Variants in SRRM3 observed in about 807,000 individuals in gnomAD.
SRRM3 encodes serine/arginine repetitive matrix 3, also known as serine/arginine repetitive matrix protein 3.
Under a neutral mutation model 66.2 loss-of-function variants are expected in SRRM3, and 27 were observed. The ratio of observed to expected loss-of-function variants is 0.41; its 90% confidence interval spans 0.30 to 0.56. The LOEUF (loss-of-function observed/expected upper bound fraction) is 0.56. Ranked by LOEUF, SRRM3 falls within the 20% of genes least tolerant of loss-of-function variation. The probability of loss-of-function intolerance (pLI) is 0.32; values close to 1 mark genes in which losing one functional copy is unlikely to be tolerated. For missense variants in SRRM3, 918 were observed against 991.9 expected (o/e 0.93, Z 1.00); for synonymous variants, 391 against 414.9 (o/e 0.94, Z 0.70).
chr7:76,277,004 T>A (rs113289334), intron 11 of SRRM3, among the ~76,000 whole-genome samples: 8 of 152,322 alleles, frequency 5.3e-5, no homozygotes, highest in Middle Eastern at 6.8e-3. Flanking sequence ...CACCGTCAGG[T>A]GACTGCCTTA....
intron 2 of SRRM3, among the ~76,000 whole-genome samples, chr7:76,240,869 C>T (rs1801277644): frequency 6.6e-6 from 1 of 151,912 alleles, no homozygotes; most frequent in Admixed American, 6.6e-5. Context: ...CTTCCCCACC[C>T]ACACACAAGC....
chr7:76,265,337 C>T (rs1554609351), intron 9 of SRRM3, 27 bp from the exon 10 acceptor site: 1 of 1,561,740 alleles, frequency 6.4e-7, no homozygotes, highest in African/African-American at 1.4e-5. Context: ...AATTGAGGTA[C>T]AGGCTGATTT....
At chr7:76,265,835 T>TTTA (rs1227805151) in intron 10 of SRRM3, among the ~76,000 whole-genome samples, 635 of 11,876 alleles carry the variant, frequency 0.053, 107 homozygotes, top group African/African-American at 0.21. Context: ...TATTTATATA[T>TTTA]ATATATATAT....
chr7:76,204,039 C>G (rs1252191597), intron 1 of SRRM3, among the ~76,000 whole-genome samples: 1 of 152,136 alleles, frequency 6.6e-6, no homozygotes, highest in Non-Finnish European at 1.5e-5. Flanking sequence ...ACAGTCCCAT[C>G]TGCTCACTGC....
At position 76,285,723 on chromosome 7, in the gene SRRM3, C is replaced by T. The variant is rs1432316097; in HGVS notation, c.1842C>T (p.Gly614=). The part of the protein sequence containing the change: ...TRSHSRSPSP[G]HSHGSYSSRS... ...GCCACAGCCGCAGCCCCAGCCCCGG[C>T]CACAGCCACGGGAGCTACAGCAGTC... Residue 614 remains glycine, a synonymous_variant, in exon 15 of 15, where the codon GGC becomes GGT. Coordinates refer to ENST00000611745, the MANE Select transcript of SRRM3 (RefSeq NM_001110199.3). The surrounding 1 kb of genome is among the most constrained non-coding windows in gnomAD (Gnocchi z 4.1). 36 of 1,550,654 alleles carry T rather than the reference C, an allele frequency of 2.3e-5. No homozygotes were observed. The highest frequency in any genetic ancestry group is 3.1e-5 in the Non-Finnish European group (35 of 1,146,836).
At chr7:76,217,102 T>C (rs1322684491) in intron 1 of SRRM3, among the ~76,000 whole-genome samples, 1 of 152,192 alleles carries the variant, frequency 6.6e-6, no homozygotes, top group Non-Finnish European at 1.5e-5. Flanking sequence ...TTCCTGCTGA[T>C]AGCTCTGGCC....
At chr7:76,249,344 C>T (rs1363895229) in intron 3 of SRRM3, among the ~76,000 whole-genome samples, 2 of 151,134 alleles carry the variant, frequency 1.3e-5, no homozygotes, top group African/African-American at 4.9e-5. Context: ...CGCGCCACTG[C>T]ACTCCAGCCT....
At chr7:76,258,732 AAG>A (rs1801780404) in intron 3 of SRRM3, among the ~76,000 whole-genome samples, 2 of 141,982 alleles carry the variant, frequency 1.4e-5, no homozygotes, top group South Asian at 2.3e-4. Flanking sequence ...AAAAAAAAAA[AAG>A]AAAAAGAAAA....
At chr7:76,254,935 G>T (rs1451361523) in intron 3 of SRRM3, among the ~76,000 whole-genome samples, 1 of 151,938 alleles carries the variant, frequency 6.6e-6, no homozygotes. Context: ...GGGGGTGTTT[G>T]GCTCTGTACA....
rs562701179 is a variant in SRRM3, at chr7:76,264,431, G to A, written c.675-334G>A. Among the ~76,000 whole-genome samples the A allele has an allele frequency of 1.7e-4, 26 of 152,244 alleles. No individual in the cohort carries two copies. The South Asian group carries it at 4.1e-3, about 24-fold the overall frequency. ...TCCACTGGCCTCAGCCTCCCAAAGT[G>A]CTGAGATTAAAGGTGTGAGCCACCA... is the stretch of plus-strand genomic sequence containing the variant. On this transcript the variant is annotated intron_variant, in intron 8 of 14. Coordinates refer to ENST00000611745, the MANE Select transcript of SRRM3 (RefSeq NM_001110199.3).
chr7:76,210,674 T>TG (rs1220103197), intron 1 of SRRM3, among the ~76,000 whole-genome samples: 9 of 151,812 alleles, frequency 5.9e-5, no homozygotes, highest in South Asian at 2.1e-4. Flanking sequence ...CCAGGAGTCT[T>TG]GGGGGGGCGG....
At chr7:76,266,249 A>ATATATTTAATATATATATAAATATTTG (rs1554609598) in intron 10 of SRRM3, among the ~76,000 whole-genome samples, 2 of 120,840 alleles carry the variant, frequency 1.7e-5, no homozygotes, top group Non-Finnish European at 3.2e-5. Context: ...ATAAATATTT[A>ATATATTTAATATATATATAAATATTTG]TATATTTAAT....
chr7:76,271,341 G>T (rs1802208216), intron 11 of SRRM3, among the ~76,000 whole-genome samples: 1 of 152,220 alleles, frequency 6.6e-6, no homozygotes, highest in South Asian at 2.1e-4. Context: ...GCCAGGCATG[G>T]TGGCATGTGC....
intron 12 of SRRM3, 37 bp downstream of exon 12, chr7:76,281,839 C>G: frequency 1.6e-6 from 2 of 1,226,744 alleles, no homozygotes; most frequent in South Asian, 2.0e-5. Flanking sequence ...CTCCCGCCCC[C>G]ACCCCGCACA....
intron 2 of SRRM3, among the ~76,000 whole-genome samples, chr7:76,236,760 G>C (rs1357912519): frequency 6.6e-6 from 1 of 152,248 alleles, no homozygotes; most frequent in Non-Finnish European, 1.5e-5. Context: ...AGGTAGCGGG[G>C]AGGAGGCCCC....
intron 1 of SRRM3, among the ~76,000 whole-genome samples, chr7:76,224,696 A>G (rs186245169): frequency 1.6e-4 from 24 of 152,226 alleles, no homozygotes; most frequent in African/African-American, 4.1e-4. Flanking sequence ...TAAAACGTAC[A>G]CTGATACACA....
intron 1 of SRRM3, among the ~76,000 whole-genome samples, chr7:76,224,343 A>T (rs1800802132): frequency 6.6e-6 from 1 of 150,870 alleles, no homozygotes; most frequent in African/African-American, 2.4e-5. Context: ...GCCTCCCAAA[A>T]TGCTAGGATT....
intron 11 of SRRM3, among the ~76,000 whole-genome samples, chr7:76,275,296 G>A (rs1216669021): frequency 1.3e-5 from 2 of 151,832 alleles, no homozygotes; most frequent in Admixed American, 1.3e-4. Flanking sequence ...ACTGGGTGGT[G>A]CCAGGAGGGC....
intron 10 of SRRM3, among the ~76,000 whole-genome samples, chr7:76,266,714 C>T (rs1382378601): frequency 2.2e-5 from 3 of 139,506 alleles, no homozygotes; most frequent in Non-Finnish European, 4.5e-5. Flanking sequence ...GCTGTGTTGC[C>T]CAGGCTGGAG....
Sources: gnomAD v4.1 joint callset for allele counts (sites outside exome capture counted in the v4.1 genomes callset) on GRCh38, gnomAD v4.1.1 for gene constraint, Gnocchi (gnomAD v3.1) non-coding constraint, MANE v1.5 for transcripts, NCBI Gene and HGNC (gene_info 2026-07-23, HGNC 2026-07-21) for gene names.